The following ZC3H6 variants were observed in gnomAD, a reference collection of about 807,000 sequenced individuals.
The protein encoded by ZC3H6 is zinc finger CCCH domain-containing protein 6.
A neutral mutation model predicts 107.7 loss-of-function variants in ZC3H6; 40 were observed. That is an observed-to-expected ratio of 0.37 (90% CI 0.29 to 0.48). ZC3H6 has a LOEUF of 0.48. Among genes scored for constraint, ZC3H6 ranks in the 20% least tolerant of loss-of-function variants. The pLI is 0.98. For synonymous variants in ZC3H6, 493 were observed against 487.9 expected (o/e 1.01, Z -0.14); for missense variants, 1,267 against 1,410.4 (o/e 0.90, Z 1.63).
chr2:112,296,733 A>G (rs565957950), intron 1 of ZC3H6, among the ~76,000 whole-genome samples: 1 of 152,312 alleles, frequency 6.6e-6, no homozygotes, highest in East Asian at 1.9e-4. Flanking sequence ...TGCAAGAGTT[A>G]TGGGTATTAT....
chr2:112,296,706 A>G (rs1009464803), intron 1 of ZC3H6, among the ~76,000 whole-genome samples: 15 of 152,160 alleles, frequency 9.9e-5, no homozygotes, highest in Non-Finnish European at 1.5e-5. Flanking sequence ...GGGTCGTATC[A>G]TATGCCTCTT....
At chr2:112,289,053 CTTTT>C (rs1368350010) in intron 1 of ZC3H6, among the ~76,000 whole-genome samples, 7 of 77,748 alleles carry the variant, frequency 9.0e-5, no homozygotes, top group Non-Finnish European at 1.7e-4. Context: ...TCTTTTTTTT[CTTTT>C]TTTTCTTTTT....
Position 112,297,479 on chromosome 2 carries a change from T to C in ZC3H6, c.33-2370T>C, listed in dbSNP as rs377401204. ...TAGTAGTTTGCACTTTTTCAAACTA[T>C]AGTGTTTTGGAAGTATGATTAAATG... On this transcript the variant is annotated intron_variant, in intron 1 of 11. Transcript: ENST00000409871. Among the ~76,000 whole-genome samples the C allele has an allele frequency of 3.3e-4, 50 of 152,348 alleles. No individual in the cohort carries two copies. The East Asian group carries it at 4.2e-3, about 13-fold the overall frequency.
In ZC3H6 at chr2:112,275,960, C is replaced by G. The variant is rs960871473; in HGVS notation, c.-35C>G. ...GCCCCGCCGCCGCCGGCCTCGCAGA[C>G]CTGCCCTCCAGCCCCGCCCCGTTCT... On this transcript the variant is annotated 5_prime_UTR_variant, in exon 1 of 12. Coordinates refer to ENST00000409871, the MANE Select transcript of ZC3H6 (RefSeq NM_198581.3). The G allele has an allele frequency of 3.3e-6, 5 of 1,521,312 alleles. No homozygotes were observed. In the South Asian group the frequency reaches 4.9e-5, roughly 15 times the overall value. 94.2% of individuals were successfully genotyped at this position (1,521,312 alleles called of 1,614,324 possible).
At chr2:112,276,380 G>A (rs1686425032) in intron 1 of ZC3H6, among the ~76,000 whole-genome samples, 2 of 151,706 alleles carry the variant, frequency 1.3e-5, no homozygotes, top group Non-Finnish European at 2.9e-5. Context: ...CGGTGCTCCC[G>A]GCCAGATAGG....
At chr2:112,281,148 G>A (rs1216142537) in intron 1 of ZC3H6, among the ~76,000 whole-genome samples, 2 of 152,196 alleles carry the variant, frequency 1.3e-5, no homozygotes, top group Non-Finnish European at 2.9e-5. Flanking sequence ...AAAGCAGAAA[G>A]GGAGATGGGG....
intron 1 of ZC3H6, among the ~76,000 whole-genome samples, chr2:112,289,260 A>C (rs1416634594): frequency 6.7e-6 from 1 of 149,938 alleles, no homozygotes; most frequent in Non-Finnish European, 1.5e-5. Context: ...AGCCTCCCAA[A>C]GTGCTAGGGT....
In ZC3H6 at chr2:112,324,254, T is replaced by C. The variant is rs1350891606; in HGVS notation, c.1443T>C (p.Pro481=). 2 of 1,613,746 alleles carry C rather than the reference T, an allele frequency of 1.2e-6. No homozygotes were observed. ...HIYSSGSSPG[P]GPNMSQGHSS... is the part of the protein sequence containing the mutation. ...ATAGTTCTGGGTCAAGTCCAGGTCC[T>C]GGACCTAACATGTCTCAGGGACACA... Residue 481 remains proline, a synonymous_variant, in exon 10 of 12, where the codon CCT becomes CCC. Coordinates refer to ENST00000409871, the MANE Select transcript of ZC3H6 (RefSeq NM_198581.3).
intron 11 of ZC3H6, among the ~76,000 whole-genome samples, chr2:112,328,256 A>G (rs1676949688): frequency 6.6e-6 from 1 of 152,110 alleles, no homozygotes; most frequent in Non-Finnish European, 1.5e-5. Flanking sequence ...GTATAATTTG[A>G]CCAGGTAATG....
In ZC3H6 at chr2:112,299,295, T is replaced by A. The variant is rs1042859819; in HGVS notation, c.33-554T>A. On this transcript the variant is annotated intron_variant, in intron 1 of 11. Transcript: ENST00000409871. ...CCATCTCAAAAAAAAAAAAAAAAAT[T>A]TAAGAACTGTATGCATAGGGACAAG... is the stretch of plus-strand genomic sequence containing the variant. 2.6e-5 allele frequency among the ~76,000 whole-genome samples: 4 copies of A among 150,998 alleles called. No individual in the cohort carries two copies. In the East Asian group the frequency reaches 7.8e-4, roughly 29 times the overall value.
intron 1 of ZC3H6, among the ~76,000 whole-genome samples, chr2:112,298,504 G>A (rs984018604): frequency 3.3e-5 from 5 of 152,218 alleles, no homozygotes; most frequent in East Asian, 1.9e-4. Flanking sequence ...GCATCATGGC[G>A]ATACACGTCA....
intron 5 of ZC3H6, among the ~76,000 whole-genome samples, chr2:112,314,710 C>A (rs534227943): frequency 5.9e-5 from 9 of 151,996 alleles, no homozygotes; most frequent in African/African-American, 1.9e-4. Flanking sequence ...TATAGAATGC[C>A]TATGTGAGCT....
At chr2:112,300,452 A>G (rs1676350347) in intron 2 of ZC3H6, among the ~76,000 whole-genome samples, 1 of 152,210 alleles carries the variant, frequency 6.6e-6, no homozygotes, top group South Asian at 2.1e-4. Flanking sequence ...TGATGTGCCA[A>G]CCGTGGCCTC....
At chr2:112,301,259 T>C (rs986946440) in intron 2 of ZC3H6, among the ~76,000 whole-genome samples, 5 of 152,208 alleles carry the variant, frequency 3.3e-5, no homozygotes, top group Admixed American at 6.5e-5. Context: ...GCTGAAAAGA[T>C]CTGGACCTGA....
chr2:112,331,076 T>C lies in ZC3H6; in HGVS notation c.2158T>C (p.Leu720=), dbSNP rs1677020438. 3 of 1,599,446 alleles carry C rather than the reference T, an allele frequency of 1.9e-6. No homozygotes were observed. The highest frequency in any genetic ancestry group is 3.5e-5 in the Admixed American group (2 of 57,412). Residue 720 remains leucine (L), a synonymous_variant, in exon 12 of 12, where the codon TTA becomes CTA. Coordinates refer to ENST00000409871, the MANE Select transcript of ZC3H6 (RefSeq NM_198581.3). Reference sequence around the variant, plus strand: ...CAGTGTCAAATCAATACTGAAAACATTACAGAAACAAACAGAAACTTTAAG... The same window carrying C: ...CAGTGTCAAATCAATACTGAAAACACTACAGAAACAAACAGAAACTTTAAG... The part of the protein sequence containing the change: ...GSSVKSILKT[L]QKQTETLRNQ...
rs369419188 is a variant in ZC3H6, at chr2:112,324,502, C to A, written c.1691C>A (p.Pro564His). 1.2e-6 allele frequency: 2 copies of A among 1,613,250 alleles called. No individual in the cohort carries two copies. Among genetic ancestry groups the A allele is most frequent in the Non-Finnish European group, 1.7e-6 (2 of 1,179,646 alleles). ...TTTCCAGGACATGTGATGAAAGTAC[C>A]CAGAGAGAATCACTGTTCTCCAGGT... ...PGFPGHVMKV[P>H]RENHCSPGSS... is the part of the protein sequence containing the mutation. The change falls in exon 10 of 12, where the codon CCC becomes CAC. Residue 564 changes from proline (P) to histidine (H), a missense_variant. Physicochemically the swap from Pro to His is moderately conservative, Grantham distance 77 (BLOSUM62 -2). Around this residue, in one of 3 missense-constraint regions of ZC3H6, gnomAD observed 925 missense variants for 1,025.7 expected, o/e 0.90. Transcript: ENST00000409871.
intron 5 of ZC3H6, among the ~76,000 whole-genome samples, chr2:112,314,563 G>GGTGT (rs139897769): frequency 1.3e-5 from 2 of 150,684 alleles, no homozygotes; most frequent in East Asian, 1.9e-4. Flanking sequence ...CATTTTTCAG[G>GGTGT]GTGTGTGTGT....
rs770762075 is a variant in ZC3H6 at position 112,331,516 on chromosome 2, T to C, written c.2598T>C (p.Ile866=). The C allele has an allele frequency of 5.6e-6, 9 of 1,613,958 alleles. No homozygotes were observed. Among genetic ancestry groups the C allele is most frequent in the Non-Finnish European group, 5.9e-6 (7 of 1,179,870 alleles). ...AGTTCAGTCACATTAAAATGGACAT[T>C]ACTCTAACCAAACCCAACTTTGCAA... is the stretch of plus-strand genomic sequence containing the variant. ...LRQFSHIKMD[I]TLTKPNFAKH... is the part of the protein sequence containing the mutation. Residue 866 remains isoleucine (I), a synonymous_variant, in exon 12 of 12, where the codon ATT becomes ATC. Coordinates refer to ENST00000409871, the MANE Select transcript of ZC3H6 (RefSeq NM_198581.3).
chr2:112,297,383 A>G (rs1676260178), intron 1 of ZC3H6, among the ~76,000 whole-genome samples: 1 of 152,172 alleles, frequency 6.6e-6, no homozygotes, highest in African/African-American at 2.4e-5. Flanking sequence ...AAATGCCCAC[A>G]CCATAGTTTA....
Sources: allele counts gnomAD v4.1 joint callset (sites outside exome capture counted in the v4.1 genomes callset), GRCh38; gene constraint gnomAD v4.1.1; regional missense constraint gnomAD v4.1.1; transcripts MANE v1.5; gene names NCBI Gene and HGNC (gene_info 2026-07-23, HGNC 2026-07-21).